The following GAN variants were observed in gnomAD, a reference collection of about 807,000 sequenced individuals.
GAN encodes epididymis secretory sperm binding protein.
A neutral mutation model predicts 71.3 loss-of-function variants in GAN; 48 were observed. That is an observed-to-expected ratio of 0.67 (90% CI 0.53 to 0.86). The LOEUF (loss-of-function observed/expected upper bound fraction) is 0.86. GAN is among the 40% of genes least tolerant of loss of function. The probability of loss-of-function intolerance (pLI) is 0.00; values close to 1 mark genes in which losing one functional copy is unlikely to be tolerated. For synonymous variants in GAN, 386 were observed against 276.8 expected (o/e 1.39, Z -3.92); for missense variants, 928 against 770.1 (o/e 1.21, Z -2.43).
rs1904330211 is a variant in GAN at position 81,383,927 on chromosome 16, C to T, written c.*6331C>T. ...TATTAGGATCTTATTTTTAGCATTT[C>T]ATTACAAGTAATAGGTTTGGGTACC... On this transcript the variant is annotated 3_prime_UTR_variant, in exon 11 of 11. Coordinates refer to ENST00000648994, the MANE Select transcript of GAN (RefSeq NM_022041.4). The T allele has an allele frequency of 6.6e-6, 1 of 152,078 alleles. No individual in the cohort carries two copies. The allele number at this position is 152,078 out of a possible 1,614,324, so 9.4% of individuals were successfully genotyped here.
chr16:81,344,633 A>T (rs1317616015), intron 1 of GAN, among the ~76,000 whole-genome samples: 1 of 152,178 alleles, frequency 6.6e-6, no homozygotes, highest in South Asian at 2.1e-4. Flanking sequence ...AGACTTAAAC[A>T]TAAGACCTAG....
rs1305001677 is a variant in GAN, at chr16:81,380,775, C to T, written c.*3179C>T. The stretch of plus-strand genomic sequence containing the variant: ...TTTATAGTAAGTTTTACTTGGTGTT[C>T]GCGTTTCTCTTCTTCAGCAGGATTA... On this transcript the variant is annotated 3_prime_UTR_variant, in exon 11 of 11. Coordinates refer to ENST00000648994, the MANE Select transcript of GAN (RefSeq NM_022041.4). 3 of 152,012 alleles carry T rather than the reference C, an allele frequency of 2.0e-5. No homozygotes were observed. Among genetic ancestry groups the T allele is most frequent in the Non-Finnish European group, 4.4e-5 (3 of 68,014 alleles). The allele number at this position is 152,012 out of a possible 1,614,324, so 9.4% of individuals were successfully genotyped here. A position where few individuals can be genotyped will look rare whatever the true frequency, so the allele number is the denominator to read the frequency against.
At chr16:81,365,958 T>G (rs1461510385) in intron 9 of GAN, among the ~76,000 whole-genome samples, 1 of 152,188 alleles carries the variant, frequency 6.6e-6, no homozygotes, top group Non-Finnish European at 1.5e-5. Flanking sequence ...TTTCTGCTAC[T>G]GACCCAGATA....
rs747278062 is a variant in GAN at position 81,351,661 on chromosome 16, T to G, written c.246T>G (p.Val82=). 3.2e-6 allele frequency: 5 copies of G among 1,545,406 alleles called. No homozygotes were observed. The highest frequency in any genetic ancestry group is 2.7e-6 in the Non-Finnish European group (3 of 1,117,332). The change falls in exon 2 of 11, where the codon GTT becomes GTG. Residue 82 remains valine (V), a synonymous_variant. Transcript: ENST00000648994. ...KIELEGISVM[V]MREILDYIFS... ...AACTTGAAGGGATATCGGTAATGGTTATGAGAGAGATCCTGGATTACATCT... is the reference window on the plus strand; with the variant it reads ...AACTTGAAGGGATATCGGTAATGGTGATGAGAGAGATCCTGGATTACATCT...
intron 6 of GAN, among the ~76,000 whole-genome samples, chr16:81,363,029 GGTCA>G: frequency 6.6e-6 from 1 of 152,176 alleles, no homozygotes; most frequent in East Asian, 1.9e-4. Context: ...CATGTGTTCT[GGTCA>G]GTATTTCATT....
rs1220198161 is a variant in GAN, at chr16:81,386,680, C to G, written c.*9084C>G. 6.6e-6 allele frequency: 1 copy of G among 152,260 alleles called. No individual in the cohort carries two copies. Among genetic ancestry groups the G allele is most frequent in the Non-Finnish European group, 1.5e-5 (1 of 68,056 alleles). The allele number at this position is 152,260 out of a possible 1,614,324, so 9.4% of individuals were successfully genotyped here. A position where few individuals can be genotyped will look rare whatever the true frequency, so the allele number is the denominator to read the frequency against. On this transcript the variant is annotated 3_prime_UTR_variant, in exon 11 of 11. Coordinates refer to ENST00000648994, the MANE Select transcript of GAN (RefSeq NM_022041.4). ...GAAGTAGAACAGCCGGGCGCGGTGGCTCACGCCTGTAATCCCAGGACTTTG... is the reference window on the plus strand; with the variant it reads ...GAAGTAGAACAGCCGGGCGCGGTGGGTCACGCCTGTAATCCCAGGACTTTG...
rs1567501383 is a variant in GAN, at chr16:81,377,448, G to T, written c.1646G>T (p.Arg549Ile). The T allele has an allele frequency of 6.2e-7, 1 of 1,614,128 alleles. No individual in the cohort carries two copies. Among genetic ancestry groups the T allele is most frequent in the South Asian group, 1.1e-5 (1 of 91,090 alleles). Residue 549 changes from arginine to isoleucine, a missense_variant, in exon 11 of 11, where the codon AGA becomes ATA. Transcript: ENST00000648994. ...TNYDYVREFK[R>I]STGTWHHTKP... ...TACGACTACGTGCGTGAGTTTAAAA[G>T]AAGCACAGGAACCTGGCACCACACT...
At chr16:81,336,614 C>T (rs1909770197) in intron 1 of GAN, among the ~76,000 whole-genome samples, 1 of 150,078 alleles carries the variant, frequency 6.7e-6, no homozygotes, top group Non-Finnish European at 1.5e-5. Context: ...CAGGTGTGCA[C>T]ACCACCCCAG....
chr16:81,348,956 A>T (rs1001197292), intron 1 of GAN, among the ~76,000 whole-genome samples: 1 of 152,048 alleles, frequency 6.6e-6, no homozygotes, highest in African/African-American at 2.4e-5. Context: ...CATTCTGTTA[A>T]CCCTCTCAGT....
chr16:81,317,919 T>C (rs1190888706), intron 1 of GAN, among the ~76,000 whole-genome samples: 1 of 152,226 alleles, frequency 6.6e-6, no homozygotes, highest in African/African-American at 2.4e-5. Flanking sequence ...ATGTGTTTCA[T>C]CAGTGACAGA....
intron 1 of GAN, among the ~76,000 whole-genome samples, chr16:81,329,293 G>T (rs1909492628): frequency 6.6e-6 from 1 of 152,040 alleles, no homozygotes; most frequent in African/African-American, 2.4e-5. Context: ...TCTGTTAAAA[G>T]CAAGCAGAGG....
chr16:81,314,987 C>A lies in GAN; in HGVS notation c.-127C>A. 2.6e-6 allele frequency: 2 copies of A among 777,094 alleles called. No individual in the cohort carries two copies. The highest frequency in any genetic ancestry group is 3.6e-6 in the Non-Finnish European group (2 of 548,364). 48.1% of individuals were successfully genotyped at this position (777,094 alleles called of 1,614,324 possible). The stretch of plus-strand genomic sequence containing the variant: ...GGATAGCACAGGCACGTCCCGGGGG[C>A]TCCAGCTTCTGCTCAGAGCGCGGAG... On this transcript the variant is annotated 5_prime_UTR_variant, in exon 1 of 11. Coordinates refer to ENST00000648994, the MANE Select transcript of GAN (RefSeq NM_022041.4).
chr16:81,357,199 G>C (rs1375515158), intron 4 of GAN, among the ~76,000 whole-genome samples, 197 bp downstream of exon 4: 1 of 151,944 alleles, frequency 6.6e-6, no homozygotes, highest in African/African-American at 2.4e-5. Flanking sequence ...CTGGTGTGCT[G>C]CACCCATTAA....
Position 81,357,927 on chromosome 16 carries a change from A to G in GAN, c.969A>G (p.Ser323=). Residue 323 remains serine, a synonymous_variant, in exon 5 of 11, where the codon TCA becomes TCG. Transcript: ENST00000648994. ...CGAGAATTAACCATGGAGTTCTCTC[A>G]GCAGGTACCGTTCTGTGGCAAATTT... ...SMPRINHGVL[S]AEGFLFVFGG... is the part of the protein sequence containing the mutation. 6.2e-7 allele frequency: 1 copy of G among 1,613,720 alleles called. No homozygotes were observed. Among genetic ancestry groups the G allele is most frequent in the Non-Finnish European group, 8.5e-7 (1 of 1,179,670 alleles).
At position 81,383,150 on chromosome 16, in the gene GAN, T is replaced by A. The variant is rs1795906503; in HGVS notation, c.*5554T>A. ...ATTGAAATTCTCTAAGTGATTGGAT[T>A]TTTAAACCCCTTCCCCTTTTCATGA... On this transcript the variant is annotated 3_prime_UTR_variant, in exon 11 of 11. Transcript: ENST00000648994. 6.6e-6 allele frequency: 1 copy of A among 152,072 alleles called. No individual in the cohort carries two copies. Among genetic ancestry groups the A allele is most frequent in the Non-Finnish European group, 1.5e-5 (1 of 68,016 alleles). 9.4% of individuals were successfully genotyped at this position (152,072 alleles called of 1,614,324 possible).
Position 81,357,922 on chromosome 16 carries a change from C to A in GAN, c.964C>A (p.Leu322Ile). Reference protein sequence around the residue: ...LSMPRINHGVLSAEGFLFVFG... With the variant: ...LSMPRINHGVISAEGFLFVFG... ...CATGCCGAGAATTAACCATGGAGTT[C>A]TCTCAGCAGGTACCGTTCTGTGGCA... Residue 322 changes from leucine (L) to isoleucine (I), a missense_variant, in exon 5 of 11, where the codon CTC becomes ATC. Coordinates refer to ENST00000648994, the MANE Select transcript of GAN (RefSeq NM_022041.4). The A allele has an allele frequency of 6.2e-7, 1 of 1,613,680 alleles. No individual in the cohort carries two copies. Among genetic ancestry groups the A allele is most frequent in the Non-Finnish European group, 8.5e-7 (1 of 1,179,662 alleles).
At chr16:81,344,794 C>G (rs1029109773) in intron 1 of GAN, among the ~76,000 whole-genome samples, 9 of 152,184 alleles carry the variant, frequency 5.9e-5, no homozygotes, top group African/African-American at 1.9e-4. Flanking sequence ...GCAAAAGAAA[C>G]TACCCTCAGA....
intron 1 of GAN, among the ~76,000 whole-genome samples, chr16:81,329,883 A>G (rs766506734): frequency 2.0e-5 from 3 of 152,106 alleles, no homozygotes; most frequent in Non-Finnish European, 4.4e-5. Context: ...CACTGATACC[A>G]AGCCCGCTAC....
At chr16:81,365,676 C>G (rs570149197) in intron 9 of GAN, among the ~76,000 whole-genome samples, 198 bp downstream of exon 9, 13 of 150,852 alleles carry the variant, frequency 8.6e-5, no homozygotes, top group Admixed American at 2.0e-4. Flanking sequence ...GAAAATATCT[C>G]TAATATGTAG....
Sources: gnomAD v4.1 joint callset for allele counts (sites outside exome capture counted in the v4.1 genomes callset) on GRCh38, gnomAD v4.1.1 for gene constraint, MANE v1.5 for transcripts, NCBI Gene and HGNC (gene_info 2026-07-23, HGNC 2026-07-21) for gene names.